The following R3HDM1 variants were observed in gnomAD, a reference collection of about 807,000 sequenced individuals.
R3HDM1 encodes R3H domain-containing protein 1.
Under a neutral mutation model 141.1 loss-of-function variants are expected in R3HDM1, and 46 were observed. The ratio of observed to expected loss-of-function variants is 0.33; its 90% CI spans 0.26 to 0.42. The LOEUF (loss-of-function observed/expected upper bound fraction) is 0.42. R3HDM1 is among the 10% of genes least tolerant of loss of function. The pLI is 1.00. For missense variants in R3HDM1, 1,184 were observed against 1,368.3 expected (o/e 0.87, Z 2.12); for synonymous variants, 435 against 472.9 (o/e 0.92, Z 1.04).
At chr2:135,657,187 G>A (rs1359661236) in intron 18 of R3HDM1, among the ~76,000 whole-genome samples, 1 of 151,810 alleles carries the variant, frequency 6.6e-6, no homozygotes, top group Non-Finnish European at 1.5e-5. Flanking sequence ...CGGATCACTT[G>A]AGGTCAGGAG....
chr2:135,562,856 T>TC (rs1702045073), intron 1 of R3HDM1, among the ~76,000 whole-genome samples: 1 of 152,232 alleles, frequency 6.6e-6, no homozygotes, highest in Non-Finnish European at 1.5e-5. Flanking sequence ...TGTTAACTGT[T>TC]CCTTTTATTT....
At chr2:135,579,077 C>A (rs906876823) in intron 1 of R3HDM1, among the ~76,000 whole-genome samples, 1 of 152,106 alleles carries the variant, frequency 6.6e-6, no homozygotes, top group Non-Finnish European at 1.5e-5. Context: ...CATTAGTGTT[C>A]GGATCTTCTT....
intron 21 of R3HDM1, among the ~76,000 whole-genome samples, chr2:135,703,718 G>A (rs943843732): frequency 3.3e-5 from 5 of 151,708 alleles, no homozygotes; most frequent in African/African-American, 9.7e-5. Context: ...AGATAAATCA[G>A]CTATTAGCAT....
intron 6 of R3HDM1, chr2:135,621,812 A>G (rs570366298): frequency 3.1e-6 from 3 of 982,896 alleles, no homozygotes; most frequent in South Asian, 9.4e-5. Context: ...CAAAAATGCA[A>G]CACATAACAG....
chr2:135,652,595 A>G (rs2065263283), intron 18 of R3HDM1, among the ~76,000 whole-genome samples: 1 of 152,230 alleles, frequency 6.6e-6, no homozygotes, highest in African/African-American at 2.4e-5. Flanking sequence ...CATGAAGGAT[A>G]TTGGTCTGCA....
At position 135,703,124 on chromosome 2, in the gene R3HDM1, G is replaced by A. The variant is rs148019553; in HGVS notation, c.2460-6309G>A. 5.8e-3 allele frequency among the ~76,000 whole-genome samples: 885 copies of A among 152,230 alleles called. 6 individuals carry two copies. The highest frequency in any genetic ancestry group is 0.02 in the African/African-American group (829 of 41,532). ...TACCTACCCTCCAATTTCTCAAGCC[G>A]AAGGCATCTTTTCCATTAAATATAT... On this transcript the variant is annotated intron_variant, in intron 21 of 26. Coordinates refer to ENST00000683871, the MANE Select transcript of R3HDM1 (RefSeq NM_001378107.1).
At chr2:135,712,703 C>T (rs142457581) in intron 23 of R3HDM1, among the ~76,000 whole-genome samples, 2,086 of 151,914 alleles carry the variant, frequency 0.014, 26 homozygotes, top group Admixed American at 0.029. Context: ...GGGAGGATTA[C>T]GAGATCAGGA....
intron 19 of R3HDM1, chr2:135,670,311 C>T: frequency 3.0e-6 from 3 of 985,072 alleles, no homozygotes; most frequent in Non-Finnish European, 3.6e-6. Flanking sequence ...ACACAGGAAG[C>T]TGACAGAGTT....
intron 16 of R3HDM1, among the ~76,000 whole-genome samples, chr2:135,645,750 A>G (rs1018628712): frequency 6.6e-6 from 1 of 152,246 alleles, no homozygotes; most frequent in Non-Finnish European, 1.5e-5. Flanking sequence ...TGTTTTAATC[A>G]TATGAGCCTG....
At chr2:135,662,744 G>A (rs982422998) in intron 19 of R3HDM1, among the ~76,000 whole-genome samples, 7 of 152,038 alleles carry the variant, frequency 4.6e-5, no homozygotes, top group Non-Finnish European at 7.4e-5. Flanking sequence ...CATTGGTTGT[G>A]GTACTGCTCA....
chr2:135,539,054 T>C (rs1226584503), intron 1 of R3HDM1, among the ~76,000 whole-genome samples: 2 of 152,206 alleles, frequency 1.3e-5, no homozygotes, highest in Non-Finnish European at 2.9e-5. Context: ...TCTTTGTATC[T>C]TGTCCCACCG....
At chr2:135,583,836 C>G (rs760756902) in intron 1 of R3HDM1, 4 of 985,248 alleles carry the variant, frequency 4.1e-6, no homozygotes, top group Non-Finnish European at 4.8e-6. Flanking sequence ...GTTAGTAATT[C>G]GATTTAGATA....
intron 19 of R3HDM1, chr2:135,667,051 A>C (rs1355294867): frequency 1.2e-6 from 1 of 863,580 alleles, no homozygotes; most frequent in Non-Finnish European, 1.4e-6. Flanking sequence ...TTTCTTTAAT[A>C]CTTTTTGTAA....
intron 1 of R3HDM1, among the ~76,000 whole-genome samples, chr2:135,571,641 T>G (rs1226002687): frequency 6.6e-6 from 1 of 151,986 alleles, no homozygotes; most frequent in Non-Finnish European, 1.5e-5. Flanking sequence ...TTATTTACTT[T>G]TTTAAGACAG....
Position 135,638,731 on chromosome 2 carries a change from G to A in R3HDM1, c.942-8G>A, listed in dbSNP as rs375371223. The A allele has an allele frequency of 1.1e-5, 17 of 1,613,886 alleles. No homozygotes were observed. In the African/African-American group the frequency reaches 1.6e-4, roughly 15 times the overall value. On this transcript the variant is annotated splice_region_variant and splice_polypyrimidine_tract_variant and intron_variant, in intron 12 of 26. Transcript: ENST00000683871. ...AAAAATTAAAATGTCCTATTAAAAT[G>A]CCAACAGACTCCAAGACGAGGATGC...
At chr2:135,674,967 A>G (rs2068935101) in intron 19 of R3HDM1, among the ~76,000 whole-genome samples, 1 of 150,928 alleles carries the variant, frequency 6.6e-6, no homozygotes, top group Admixed American at 6.6e-5. Flanking sequence ...AAAGGGCCCT[A>G]CATATTTTCC....
chr2:135,579,921 A>G (rs1706407817), intron 1 of R3HDM1, among the ~76,000 whole-genome samples: 1 of 152,202 alleles, frequency 6.6e-6, no homozygotes, highest in South Asian at 2.1e-4. Context: ...CTATTTTTGC[A>G]ACTTTTCTCC....
chr2:135,599,642 A>G (rs765894148), intron 1 of R3HDM1, among the ~76,000 whole-genome samples: 1 of 152,206 alleles, frequency 6.6e-6, no homozygotes, highest in Non-Finnish European at 1.5e-5. Flanking sequence ...TCATGGGTTT[A>G]CCAAAAAGGG....
chr2:135,697,707 A>G (rs377507921), intron 21 of R3HDM1, among the ~76,000 whole-genome samples: 17 of 152,308 alleles, frequency 1.1e-4, no homozygotes, highest in Admixed American at 5.2e-4. Context: ...AAACTCAACT[A>G]TGTTCTTTTG....
Sources: allele counts gnomAD v4.1 joint callset (sites outside exome capture counted in the v4.1 genomes callset), GRCh38; gene constraint gnomAD v4.1.1; transcripts MANE v1.5; gene names NCBI Gene and HGNC (gene_info 2026-07-23, HGNC 2026-07-21).